UBR2: variants seen among roughly 807,000 people sequenced by gnomAD.
The protein encoded by UBR2 is ubiquitin protein ligase E3 component n-recognin 2.
UBR2 carries 92 observed loss-of-function variants against 247.9 expected under a neutral mutation model. That is an observed-to-expected ratio of 0.37 (90% CI 0.31 to 0.44). The LOEUF (loss-of-function observed/expected upper bound fraction) is 0.44. Among genes scored for constraint, UBR2 ranks in the 20% least tolerant of loss-of-function variants. UBR2 has a pLI of 1.00. For missense variants in UBR2, 1,613 were observed against 2,112.6 expected, an observed-to-expected ratio of 0.76 and a Z score of 4.64; for synonymous variants, 672 against 693.5, an observed-to-expected ratio of 0.97 and a Z score of 0.49.
chr6:42,671,015 G>A (rs910853657), intron 36 of UBR2, among the ~76,000 whole-genome samples: 24 of 152,050 alleles, frequency 1.6e-4, no homozygotes, highest in African/African-American at 4.6e-4. Flanking sequence ...GAGAAACCTC[G>A]TCTCTACTAA....
intron 21 of UBR2, among the ~76,000 whole-genome samples, chr6:42,646,824 G>T (rs2894476): frequency 0.23 from 33,737 of 143,624 alleles, 4,223 homozygotes; most frequent in East Asian, 0.42. Context: ...TATATATAGA[G>T]AGAGAGAGAG....
intron 4 of UBR2, among the ~76,000 whole-genome samples, chr6:42,596,745 T>G (rs920122924): frequency 2.6e-5 from 4 of 152,220 alleles, no homozygotes; most frequent in Non-Finnish European, 5.9e-5. Context: ...TCACATATTG[T>G]ATGATTCCTT....
intron 1 of UBR2, among the ~76,000 whole-genome samples, chr6:42,570,787 G>A (rs936482122): frequency 6.6e-6 from 1 of 151,750 alleles, no homozygotes; most frequent in Non-Finnish European, 1.5e-5. Context: ...GGGCTCAGGT[G>A]ATCCTCCCAC....
chr6:42,665,315 G>A, intron 32 of UBR2, 94 bp from the exon 33 acceptor site: 2 of 878,508 alleles, frequency 2.3e-6, no homozygotes, highest in South Asian at 2.2e-5. Flanking sequence ...AATATTTGGA[G>A]TGTGTCTAAA....
chr6:42,674,752 C>A (rs766864519), intron 38 of UBR2, among the ~76,000 whole-genome samples: 3 of 151,680 alleles, frequency 2.0e-5, no homozygotes, highest in Non-Finnish European at 4.4e-5. Context: ...CAGAGCAAGA[C>A]CCCATCCAAA....
rs750795870 is a variant in UBR2 at position 42,573,929 on chromosome 6, G to A, written c.274G>A (p.Ala92Thr). 3.1e-6 allele frequency: 5 copies of A among 1,613,570 alleles called. No homozygotes were observed. In the South Asian group the frequency reaches 5.5e-5, roughly 18 times the overall value. Residue 92 changes from alanine to threonine, a missense_variant, in exon 2 of 47, where the codon GCA becomes ACA. Around this residue, in one of 3 missense-constraint regions of UBR2, gnomAD observed 1,524 missense variants for 1,967.3 expected, o/e 0.77. Coordinates refer to ENST00000372901, the MANE Select transcript of UBR2 (RefSeq NM_001363705.2). ...PAFGFPKLEQ[A>T]NKPSHLCGRV... ...ATTTGGATTTCCAAAACTTGAGCAA[G>A]CAAACAAACCTTCTCATCTTTGTGG...
intron 30 of UBR2, among the ~76,000 whole-genome samples, chr6:42,660,345 G>A (rs992612577): frequency 2.0e-5 from 3 of 152,120 alleles, no homozygotes; most frequent in Non-Finnish European, 4.4e-5. Context: ...ACAGATTACC[G>A]TGCAGGACAG....
intron 18 of UBR2, among the ~76,000 whole-genome samples, chr6:42,643,638 C>CA (rs971269066): frequency 8.6e-5 from 13 of 151,518 alleles, no homozygotes; most frequent in African/African-American, 1.9e-4. Context: ...ATGTATATTT[C>CA]AAAAAAATAT....
chr6:42,637,276 T>C (rs536930775), intron 15 of UBR2, 82 bp downstream of exon 15: 1 of 1,398,582 alleles, frequency 7.2e-7, no homozygotes, highest in South Asian at 1.4e-5. Context: ...ATACTTACTT[T>C]GTGCCAGATG....
At chr6:42,635,667 G>A in intron 14 of UBR2, 121 bp downstream of exon 14, 1 of 1,225,186 alleles carries the variant, frequency 8.2e-7, no homozygotes, top group East Asian at 2.5e-5. Context: ...TCATTAAACA[G>A]CGTATTTTCC....
At chr6:42,571,434 G>T (rs1791135803) in intron 1 of UBR2, among the ~76,000 whole-genome samples, 1 of 151,958 alleles carries the variant, frequency 6.6e-6, no homozygotes, top group South Asian at 2.1e-4. Flanking sequence ...GATCATGGAG[G>T]TGAATTATTT....
At chr6:42,641,067 C>A (rs979639049) in intron 16 of UBR2, among the ~76,000 whole-genome samples, 1 of 152,064 alleles carries the variant, frequency 6.6e-6, no homozygotes, top group African/African-American at 2.4e-5. Context: ...TAAAAAATAC[C>A]TTCATAGCAA....
At chr6:42,654,154 A>G (rs778603338) in intron 25 of UBR2, among the ~76,000 whole-genome samples, 18 of 152,130 alleles carry the variant, frequency 1.2e-4, no homozygotes, top group Admixed American at 2.6e-4. Context: ...TATTCTTATA[A>G]TGCCCTCCTA....
chr6:42,663,078 A>T (rs1395570623), intron 31 of UBR2, among the ~76,000 whole-genome samples, 180 bp from the exon 32 acceptor site: 1 of 151,738 alleles, frequency 6.6e-6, no homozygotes, highest in African/African-American at 2.4e-5. Context: ...TTACTCTTTT[A>T]GAACTTTTAA....
intron 2 of UBR2, among the ~76,000 whole-genome samples, chr6:42,579,479 A>G (rs1791737247): frequency 1.3e-5 from 2 of 152,212 alleles, no homozygotes; most frequent in Non-Finnish European, 2.9e-5. Context: ...TATAATGTGA[A>G]TAGTCCAGAG....
intron 11 of UBR2, among the ~76,000 whole-genome samples, chr6:42,627,373 A>G (rs1448255325): frequency 1.3e-5 from 2 of 152,176 alleles, no homozygotes; most frequent in Admixed American, 1.3e-4. Context: ...CTCTGGCTAC[A>G]TGACTTCTGA....
Position 42,692,083 on chromosome 6 carries a change from T to C in UBR2, c.*910T>C, listed in dbSNP as rs963486401. 6.6e-6 allele frequency: 1 copy of C among 152,118 alleles called. No homozygotes were observed. The highest frequency in any genetic ancestry group is 2.4e-5 in the African/African-American group (1 of 41,430). The allele number at this position is 152,118 out of a possible 1,614,324, so 9.4% of individuals were successfully genotyped here. A position where few individuals can be genotyped will look rare whatever the true frequency, so the allele number is the denominator to read the frequency against. ...GTTTCTTGAGCTTTTAAGGTAAGCT[T>C]CTTTTGGCTTTTTTTCAGATGTTCA... On this transcript the variant is annotated 3_prime_UTR_variant, in exon 47 of 47. Transcript: ENST00000372901.
rs146664765 is a variant in UBR2 at position 42,564,359 on chromosome 6, C to G, written c.40C>G (p.Arg14Gly). Reference protein sequence around the residue: ...ELEPEVQAIDRSLLECSAEEI... With the variant: ...ELEPEVQAIDGSLLECSAEEI... ...AGAGCCAGAGGTGCAGGCCATCGAC[C>G]GGAGCTTGCTGGAATGTTCGGCCGA... is the stretch of plus-strand genomic sequence containing the variant. The change falls in exon 1 of 47, where the codon CGG (arginine) becomes GGG (glycine). Residue 14 changes from arginine (R) to glycine (G), a missense_variant. Physicochemically the swap from Arg to Gly is moderately radical, Grantham distance 125. Transcript: ENST00000372901. 1.9e-6 allele frequency: 3 copies of G among 1,612,144 alleles called. No homozygotes were observed. Among genetic ancestry groups the G allele is most frequent in the Non-Finnish European group, 2.5e-6 (3 of 1,179,274 alleles).
intron 11 of UBR2, chr6:42,619,878 C>A: frequency 1.3e-6 from 1 of 797,882 alleles, no homozygotes; most frequent in Non-Finnish European, 1.5e-6. Flanking sequence ...CCACCACACC[C>A]AGCTAGTCTT....
Sources: allele counts gnomAD v4.1 joint callset (sites outside exome capture counted in the v4.1 genomes callset), GRCh38; gene constraint gnomAD v4.1.1; regional missense constraint gnomAD v4.1.1; transcripts MANE v1.5; gene names NCBI Gene and HGNC (gene_info 2026-07-23, HGNC 2026-07-21).